Variants in PCDHGA5 observed in about 807,000 individuals in gnomAD.
PCDHGA5 encodes protocadherin gamma subfamily A, 5.
Under a neutral mutation model 56.7 loss-of-function variants are expected in PCDHGA5, and 36 were observed. That is an observed-to-expected ratio of 0.64 (90% confidence interval 0.49 to 0.84). PCDHGA5 has a LOEUF of 0.84. Among genes scored for constraint, PCDHGA5 ranks in the 40% least tolerant of loss-of-function variants. PCDHGA5 has a pLI of 0.00. For missense variants in PCDHGA5, 1,305 were observed against 1,201.5 expected (o/e 1.09, Z -1.27); for synonymous variants, 563 against 520.2 (o/e 1.08, Z -1.12).
intron 1 of PCDHGA5, chr5:141,415,330 A>G (rs1326574664): frequency 1.2e-6 from 2 of 1,614,094 alleles, no homozygotes; most frequent in African/African-American, 2.7e-5. Context: ...GCTGGCGCAC[A>G]GGCTGCGGCG....
intron 1 of PCDHGA5, among the ~76,000 whole-genome samples, chr5:141,373,124 C>T (rs933714666): frequency 6.6e-6 from 1 of 152,188 alleles, no homozygotes; most frequent in African/African-American, 2.4e-5. Flanking sequence ...GAATTAGACC[C>T]AAATCCTCAC....
rs191188858 is a variant in PCDHGA5, at chr5:141,472,077, A to G, written c.2422-22730A>G. On this transcript the variant is annotated intron_variant, in intron 1 of 3. Transcript: ENST00000518069. ...GATTGACATGTCTGTGGTTATATCA[A>G]TGAGTACTATTATTATTCCCATTTT... 2.4e-3 allele frequency among the ~76,000 whole-genome samples: 365 copies of G among 152,346 alleles called. 2 individuals carry two copies. Among genetic ancestry groups the G allele is most frequent in the African/African-American group, 8.4e-3 (351 of 41,580 alleles).
At chr5:141,403,582 G>T in intron 1 of PCDHGA5, 1 of 1,613,910 alleles carries the variant, frequency 6.2e-7, no homozygotes. Context: ...CCCACCACCT[G>T]GTCCTCACGG....
intron 1 of PCDHGA5, among the ~76,000 whole-genome samples, chr5:141,387,290 A>G (rs2090890389): frequency 6.6e-6 from 1 of 152,168 alleles, no homozygotes; most frequent in Non-Finnish European, 1.5e-5. Flanking sequence ...GAAAGATAAA[A>G]TGTATCCAGT....
At position 141,491,546 on chromosome 5, in the gene PCDHGA5, C is replaced by T; in HGVS notation, c.2422-3261C>T. ...GAGGTGACGCTGCGGCCCACAGACT[C>T]GCAGAGCCACTGCTACAGGACGTGC... On this transcript the variant is annotated intron_variant, in intron 1 of 3. Transcript: ENST00000518069. This position sits in a 1 kb window ranked among gnomAD's most constrained non-coding sequence, Gnocchi z 6.9. 1.9e-6 allele frequency: 3 copies of T among 1,614,038 alleles called. No homozygotes were observed. Among genetic ancestry groups the T allele is most frequent in the Non-Finnish European group, 2.5e-6 (3 of 1,180,024 alleles).
In PCDHGA5 at chr5:141,461,259, T is replaced by C. The variant is rs114101293; in HGVS notation, c.2422-33548T>C. Among the ~76,000 whole-genome samples the C allele has an allele frequency of 4.2e-3, 640 of 152,290 alleles. 5 individuals are homozygous for C. The highest frequency in any genetic ancestry group is 0.015 in the African/African-American group (623 of 41,554). On this transcript the variant is annotated intron_variant, in intron 1 of 3. Coordinates refer to ENST00000518069, the MANE Select transcript of PCDHGA5 (RefSeq NM_018918.3). ...TACTAATTTATATTCCCAGCAGCAA[T>C]GTGTAAGTGTTCTCTTTTCCCCACA...
In PCDHGA5 at chr5:141,384,445, G is replaced by A. The variant is rs182497799; in HGVS notation, c.2421+17694G>A. 5.0e-6 allele frequency: 8 copies of A among 1,613,990 alleles called. 1 individual carries two copies. The African/African-American group carries it at 5.3e-5, about 11-fold the overall frequency. ...AAACTCTGACACTGGAGTCCTGTAC[G>A]CGCTGCAATCCTTTGATTATGAGCA... On this transcript the variant is annotated intron_variant, in intron 1 of 3. Transcript: ENST00000518069.
chr5:141,473,497 C>T (rs2099323546), intron 1 of PCDHGA5, among the ~76,000 whole-genome samples: 1 of 152,106 alleles, frequency 6.6e-6, no homozygotes, highest in Non-Finnish European at 1.5e-5. Context: ...ATAAGGTGTT[C>T]TGAGAGAGCA....
chr5:141,385,110 C>A (rs1315178545), intron 1 of PCDHGA5: 2 of 1,614,076 alleles, frequency 1.2e-6, no homozygotes, highest in African/African-American at 2.7e-5. Context: ...ACGTGCCCAC[C>A]TCGCACTTTG....
In PCDHGA5 at chr5:141,364,424, C is replaced by T. The variant is rs1029173533; in HGVS notation, c.94C>T (p.Arg32Cys). The T allele has an allele frequency of 6.2e-7, 1 of 1,613,570 alleles. No individual in the cohort carries two copies. The highest frequency in any genetic ancestry group is 8.5e-7 in the Non-Finnish European group (1 of 1,179,638). ...TLCEPGSGQI[R>C]YSMPEELDKG... is the part of the protein sequence containing the mutation. ...GTGCGAGCCAGGATCCGGGCAGATC[C>T]GCTACTCGATGCCGGAGGAGCTGGA... The change falls in exon 1 of 4, where the codon CGC (arginine) becomes TGC (cysteine). Residue 32 changes from arginine (R) to cysteine (C), a missense_variant. Transcript: ENST00000518069.
chr5:141,427,723 G>A, intron 1 of PCDHGA5: 1 of 1,127,490 alleles, frequency 8.9e-7, no homozygotes, highest in Non-Finnish European at 1.3e-6. Context: ...CTGGACCTAG[G>A]GCTGAATGGC....
chr5:141,428,224 G>T, intron 1 of PCDHGA5: 1 of 1,164,316 alleles, frequency 8.6e-7, no homozygotes, highest in Non-Finnish European at 1.3e-6. Context: ...AGTCTTCGCA[G>T]ACAGCCTGCA....
Position 141,493,806 on chromosome 5 carries a change from T to C in PCDHGA5, c.2422-1001T>C, listed in dbSNP as rs1339302166. On this transcript the variant is annotated intron_variant, in intron 1 of 3. Coordinates refer to ENST00000518069, the MANE Select transcript of PCDHGA5 (RefSeq NM_018918.3). This position sits in a 1 kb window ranked among gnomAD's most constrained non-coding sequence, Gnocchi z 4.3. ...TCCTTCTCCCTGGAGTAATCTGAGA[T>C]ACTCACACTCTCTGCTTCTGGGAGC... is the stretch of plus-strand genomic sequence containing the variant. Among the ~76,000 whole-genome samples, 1 of 152,162 alleles carries C rather than the reference T, an allele frequency of 6.6e-6. No homozygotes were observed. The highest frequency in any genetic ancestry group is 1.5e-5 in the Non-Finnish European group (1 of 68,038).
chr5:141,383,272 G>C (rs369691483), intron 1 of PCDHGA5: 1 of 1,613,802 alleles, frequency 6.2e-7, no homozygotes, highest in Non-Finnish European at 8.5e-7. Flanking sequence ...GGAAATAATA[G>C]ATATTAATGA....
intron 2 of PCDHGA5, among the ~76,000 whole-genome samples, chr5:141,499,297 T>A (rs1449576891): frequency 1.3e-5 from 2 of 152,036 alleles, no homozygotes; most frequent in Non-Finnish European, 2.9e-5. Flanking sequence ...CACACTACCA[T>A]CCCTCCTCTG....
rs1554116873 is a variant in PCDHGA5 at position 141,423,758 on chromosome 5, G to GT, written c.2421+57007_2421+57008insT. On this transcript the variant is annotated intron_variant, in intron 1 of 3. Coordinates refer to ENST00000518069, the MANE Select transcript of PCDHGA5 (RefSeq NM_018918.3). Reference sequence around the variant, plus strand: ...CTGTTATGAAAACTGTTTGGGGGGGGGGTGGGGCGGCATATATTTAGTTCA... The same window carrying GT: ...CTGTTATGAAAACTGTTTGGGGGGGGTGGTGGGGCGGCATATATTTAGTTCA... 14 of 366,842 alleles carry GT rather than the reference G, an allele frequency of 3.8e-5. 1 individual carries two copies. The highest frequency in any genetic ancestry group is 5.4e-5 in the Non-Finnish European group (14 of 259,742). The allele number at this position is 366,842 out of a possible 1,614,324, so 22.7% of individuals were successfully genotyped here. A position where few individuals can be genotyped will look rare whatever the true frequency, so the allele number is the denominator to read the frequency against.
chr5:141,371,232 G>A lies in PCDHGA5; in HGVS notation c.2421+4481G>A, dbSNP rs1383557802. On this transcript the variant is annotated intron_variant, in intron 1 of 3. Coordinates refer to ENST00000518069, the MANE Select transcript of PCDHGA5 (RefSeq NM_018918.3). ...GGGCATCAATGCCGAAATCATCTATGCCTTCATCAATATTGGCAAGGAAGT... is the reference window on the plus strand; with the variant it reads ...GGGCATCAATGCCGAAATCATCTATACCTTCATCAATATTGGCAAGGAAGT... 6 of 1,613,918 alleles carry A rather than the reference G, an allele frequency of 3.7e-6. No homozygotes were observed. In the Admixed American group the frequency reaches 6.7e-5, roughly 18 times the overall value.
intron 1 of PCDHGA5, among the ~76,000 whole-genome samples, chr5:141,425,318 G>A (rs1304835508): frequency 1.3e-5 from 2 of 152,158 alleles, no homozygotes; most frequent in Non-Finnish European, 2.9e-5. Context: ...TCCCAAGATC[G>A]TGGAGAACAA....
At position 141,372,141 on chromosome 5, in the gene PCDHGA5, G is replaced by C. The variant is rs780330964; in HGVS notation, c.2421+5390G>C. On this transcript the variant is annotated intron_variant, in intron 1 of 3. Coordinates refer to ENST00000518069, the MANE Select transcript of PCDHGA5 (RefSeq NM_018918.3). ...CTTCGATATGGTGCCGCGCTCTGCAGAGCCTGGCTACCTGGTGACCAAGGT... is the reference window on the plus strand; with the variant it reads ...CTTCGATATGGTGCCGCGCTCTGCACAGCCTGGCTACCTGGTGACCAAGGT... 5.0e-6 allele frequency: 8 copies of C among 1,613,774 alleles called. No individual in the cohort carries two copies. The East Asian group carries it at 1.6e-4, about 31-fold the overall frequency.
Sources: gnomAD v4.1 joint callset for allele counts (sites outside exome capture counted in the v4.1 genomes callset) on GRCh38, gnomAD v4.1.1 for gene constraint, Gnocchi (gnomAD v3.1) non-coding constraint, MANE v1.5 for transcripts, NCBI Gene and HGNC (gene_info 2026-07-23, HGNC 2026-07-21) for gene names.